The following GRIA2 variants were observed in gnomAD, a reference collection of about 807,000 sequenced individuals.
The protein encoded by GRIA2 is glutamate ionotropic receptor AMPA type subunit 2.
In GRIA2, 14 loss-of-function variants were observed where a neutral mutation model predicts 97.3. The ratio of observed to expected loss-of-function variants is 0.14; its 90% CI spans 0.10 to 0.23. The LOEUF is 0.23. Among genes scored for constraint, GRIA2 ranks in the 10% least tolerant of loss-of-function variants. The pLI is 1.00. For missense variants in GRIA2, 558 were observed against 1,069.8 expected, an observed-to-expected ratio of 0.52 and a Z score of 6.67; for synonymous variants, 412 against 387.8, an observed-to-expected ratio of 1.06 and a Z score of -0.73.
In GRIA2 at chr4:157,248,780, CTA is replaced by C. The variant is rs36210142; in HGVS notation, c.229+27006_229+27007del. On this transcript the variant is annotated intron_variant, in intron 2 of 15. Coordinates refer to ENST00000264426, the MANE Select transcript of GRIA2 (RefSeq NM_001083619.3). Reference sequence around the variant, plus strand: ...CATGGCAGAGAATTCCTTTCTTTCACTATATATATATATATATATATATATAT... The same window carrying C: ...CATGGCAGAGAATTCCTTTCTTTCACTATATATATATATATATATATATAT... 7.8e-3 allele frequency among the ~76,000 whole-genome samples: 952 copies of C among 122,258 alleles called. 7 individuals are homozygous for C. Among genetic ancestry groups the C allele is most frequent in the African/African-American group, 0.027 (873 of 31,816 alleles). The allele number at this position is 122,258 out of a possible 152,430, so 80.2% of individuals were successfully genotyped here.
intron 8 of GRIA2, among the ~76,000 whole-genome samples, chr4:157,333,713 G>C (rs993276933): frequency 6.6e-6 from 1 of 151,946 alleles, no homozygotes; most frequent in Admixed American, 6.6e-5. Flanking sequence ...CCTTTTAGCT[G>C]TTTAGGCTAA....
intron 2 of GRIA2, among the ~76,000 whole-genome samples, chr4:157,282,168 G>GA (rs1732636158): frequency 6.6e-6 from 1 of 152,068 alleles, no homozygotes. Flanking sequence ...TCTCTGTGAT[G>GA]ATTTTTTATC....
chr4:157,279,782 C>T (rs1204222937), intron 2 of GRIA2, among the ~76,000 whole-genome samples: 1 of 152,008 alleles, frequency 6.6e-6, no homozygotes, highest in African/African-American at 2.4e-5. Flanking sequence ...TGCCTTGTAT[C>T]ATCATTTTTA....
chr4:157,245,946 A>G (rs773870701), intron 2 of GRIA2, among the ~76,000 whole-genome samples: 4 of 152,060 alleles, frequency 2.6e-5, no homozygotes, highest in Non-Finnish European at 5.9e-5. Context: ...CAGAACACGA[A>G]TGTTTCCTCT....
chr4:157,348,193 A>G (rs897517220), intron 12 of GRIA2, among the ~76,000 whole-genome samples: 1 of 152,090 alleles, frequency 6.6e-6, no homozygotes, highest in Non-Finnish European at 1.5e-5. Flanking sequence ...GACTCCTACT[A>G]AGTGATTAGC....
At chr4:157,262,338 C>T (rs1396930714) in intron 2 of GRIA2, among the ~76,000 whole-genome samples, 1 of 152,092 alleles carries the variant, frequency 6.6e-6, no homozygotes, top group East Asian at 1.9e-4. Context: ...CCCTTGATCT[C>T]TTTCTGCATC....
intron 2 of GRIA2, among the ~76,000 whole-genome samples, chr4:157,259,079 A>T (rs1442084033): frequency 6.6e-6 from 1 of 151,844 alleles, no homozygotes; most frequent in Non-Finnish European, 1.5e-5. Flanking sequence ...AAAATAAAAC[A>T]TACGTAGATG....
chr4:157,305,621 A>T (rs1560757297), intron 3 of GRIA2, among the ~76,000 whole-genome samples: 1 of 152,028 alleles, frequency 6.6e-6, no homozygotes, highest in Non-Finnish European at 1.5e-5. Flanking sequence ...ACTTTCTCAG[A>T]TGCACCAAAC....
chr4:157,245,774 G>T (rs183053441), intron 2 of GRIA2, among the ~76,000 whole-genome samples: 35 of 152,072 alleles, frequency 2.3e-4, no homozygotes, highest in African/African-American at 8.4e-4. Flanking sequence ...ATGTCTGTCT[G>T]AATTTTATTC....
At chr4:157,253,608 G>A (rs1731110483) in intron 2 of GRIA2, among the ~76,000 whole-genome samples, 1 of 152,030 alleles carries the variant, frequency 6.6e-6, no homozygotes, top group African/African-American at 2.4e-5. Flanking sequence ...AAGCAGAATA[G>A]AATACTAGAA....
intron 12 of GRIA2, chr4:157,342,189 A>G (rs1735578631): frequency 2.1e-6 from 2 of 971,438 alleles, no homozygotes; most frequent in African/African-American, 1.8e-5. Context: ...TATATGTGAC[A>G]TATAATGGTC....
chr4:157,278,962 C>T (rs1042776078), intron 2 of GRIA2, among the ~76,000 whole-genome samples: 7 of 152,016 alleles, frequency 4.6e-5, no homozygotes, highest in Non-Finnish European at 1.0e-4. Flanking sequence ...ACACCAAATG[C>T]TGGTGAGGAT....
At chr4:157,228,506 G>A (rs1729848603) in intron 2 of GRIA2, among the ~76,000 whole-genome samples, 1 of 152,104 alleles carries the variant, frequency 6.6e-6, no homozygotes, top group Admixed American at 6.6e-5. Context: ...CAAAAACCAT[G>A]TTGCAGCCAG....
intron 12 of GRIA2, among the ~76,000 whole-genome samples, chr4:157,355,923 T>TTTTATATATA (rs1736290476): frequency 1.5e-5 from 1 of 67,092 alleles, no homozygotes; most frequent in Non-Finnish European, 2.5e-5. Flanking sequence ...ATTAATATAT[T>TTTTATATATA]TATATATATT....
intron 4 of GRIA2, among the ~76,000 whole-genome samples, chr4:157,316,604 G>A (rs569509516): frequency 6.6e-6 from 1 of 152,054 alleles, no homozygotes; most frequent in Non-Finnish European, 1.5e-5. Flanking sequence ...AAGCCCTAAG[G>A]TGATGAGAAG....
intron 2 of GRIA2, among the ~76,000 whole-genome samples, chr4:157,277,856 A>ATATATGTATATATG (rs1732406743): frequency 2.1e-5 from 3 of 143,446 alleles, no homozygotes; most frequent in African/African-American, 8.0e-5. Context: ...GTATATATGT[A>ATATATGTATATATG]TATATATGTA....
chr4:157,358,256 C>T, intron 12 of GRIA2, among the ~76,000 whole-genome samples: 1 of 152,056 alleles, frequency 6.6e-6, no homozygotes, highest in East Asian at 1.9e-4. Context: ...GGCAAAGTTT[C>T]AGAAAAAGCA....
chr4:157,268,327 A>T (rs1233989154), intron 2 of GRIA2, among the ~76,000 whole-genome samples: 1 of 152,092 alleles, frequency 6.6e-6, no homozygotes, highest in African/African-American at 2.4e-5. Context: ...AGTTAATAGT[A>T]TCAAATATTA....
intron 10 of GRIA2, 21 bp from the exon 11 acceptor site, chr4:157,336,356 T>C: frequency 6.6e-7 from 1 of 1,516,302 alleles, no homozygotes; most frequent in Non-Finnish European, 8.8e-7. Context: ...GTACTATTAC[T>C]TTCCTTTTTT....
Sources: gnomAD v4.1 joint callset for allele counts (sites outside exome capture counted in the v4.1 genomes callset) on GRCh38, gnomAD v4.1.1 for gene constraint, MANE v1.5 for transcripts, NCBI Gene and HGNC (gene_info 2026-07-23, HGNC 2026-07-21) for gene names.